The following SLC33A1 variants were observed in gnomAD, a reference collection of about 807,000 sequenced individuals.
SLC33A1 encodes acetyl-coenzyme A transporter 1.
Under a neutral mutation model 50.0 loss-of-function variants are expected in SLC33A1, and 20 were observed. The observed-to-expected ratio is 0.40, with a 90% confidence interval of 0.28 to 0.58. SLC33A1 has a LOEUF of 0.58. Ranked by LOEUF, SLC33A1 falls within the 20% of genes least tolerant of loss-of-function variation. The pLI, the probability that SLC33A1 is intolerant of heterozygous loss-of-function variation, is 0.44. For synonymous variants in SLC33A1, 265 were observed against 251.8 expected, an observed-to-expected ratio of 1.05 and a Z score of -0.50; for missense variants, 476 against 657.0, an observed-to-expected ratio of 0.72 and a Z score of 3.01.
chr3:155,845,847 T>C (rs1346469131), intron 1 of SLC33A1, among the ~76,000 whole-genome samples: 2 of 152,244 alleles, frequency 1.3e-5, no homozygotes, highest in Admixed American at 1.3e-4. Flanking sequence ...AATTTTGATT[T>C]ATGTATTTTA....
chr3:155,839,054 C>G (rs567414439), intron 2 of SLC33A1, among the ~76,000 whole-genome samples: 1 of 151,410 alleles, frequency 6.6e-6, no homozygotes, highest in Non-Finnish European at 1.5e-5. Flanking sequence ...TTTGGGAGGC[C>G]GAGACGGGCA....
At position 155,823,441 on chromosome 3, in the gene SLC33A1, G is replaced by C. The variant is rs911152631; in HGVS notation, c.*4769C>G. The C allele has an allele frequency of 2.0e-5, 3 of 152,078 alleles. No individual in the cohort carries two copies. The highest frequency in any genetic ancestry group is 4.4e-5 in the Non-Finnish European group (3 of 68,048). The allele number at this position is 152,078 out of a possible 1,614,324, so 9.4% of individuals were successfully genotyped here. On this transcript the variant is annotated 3_prime_UTR_variant, in exon 6 of 6. Coordinates refer to ENST00000643144, the MANE Select transcript of SLC33A1 (RefSeq NM_004733.4). The stretch of plus-strand genomic sequence containing the variant: ...TCCCAGCACTTTAGGAGGCCAAGGC[G>C]GGAAGATCACCTAAGGTCAGGAGTT...
intron 2 of SLC33A1, 136 bp downstream of exon 2, chr3:155,842,296 A>C (rs1208392077): frequency 1.6e-6 from 1 of 611,330 alleles, no homozygotes; most frequent in African/African-American, 1.9e-5. Context: ...ACATTTAATA[A>C]ACAGAAAATA....
intron 4 of SLC33A1, among the ~76,000 whole-genome samples, chr3:155,830,578 C>T (rs1752387921): frequency 6.6e-6 from 1 of 151,846 alleles, no homozygotes; most frequent in Non-Finnish European, 1.5e-5. Context: ...ATTAATTCTA[C>T]CACAAGTAGT....
chr3:155,853,322 A>G lies in SLC33A1; in HGVS notation c.676T>C (p.Phe226Leu). The change falls in exon 1 of 6, where the codon TTT (phenylalanine) becomes CTT (leucine). Residue 226 changes from phenylalanine (F) to leucine (L), a missense_variant. Phe to Leu is a conservative substitution (Grantham distance 22). Transcript: ENST00000643144. ...CNSVGQTAGY[F>L]LGNVLFLALE... The stretch of plus-strand genomic sequence containing the variant: ...GCCAAAAACAAAACATTGCCCAAAA[A>G]GTAACCCGCTGTTTGGCCCACCGAA... 3 of 1,614,104 alleles carry G rather than the reference A, an allele frequency of 1.9e-6. No individual in the cohort carries two copies. The highest frequency in any genetic ancestry group is 2.5e-6 in the Non-Finnish European group (3 of 1,180,052).
chr3:155,838,918 G>A (rs1348217578), intron 2 of SLC33A1, among the ~76,000 whole-genome samples: 1 of 151,624 alleles, frequency 6.6e-6, no homozygotes, highest in Non-Finnish European at 1.5e-5. Context: ...GGAGGCTGAG[G>A]TGAACAGATC....
intron 2 of SLC33A1, among the ~76,000 whole-genome samples, chr3:155,839,300 CAAAA>C (rs550171374): frequency 8.9e-4 from 23 of 25,732 alleles, no homozygotes; most frequent in East Asian, 1.4e-3. Context: ...AACTCCGCCT[CAAAA>C]AAAAAAAAAA....
chr3:155,851,053 C>A lies in SLC33A1; in HGVS notation c.775+2170G>T, dbSNP rs375771989. Reference sequence around the variant, plus strand: ...GATCAGGAGATCGAGACCATCCTGGCCAACACAGTGAAACCTTGTCTGTAC... The same window carrying A: ...GATCAGGAGATCGAGACCATCCTGGACAACACAGTGAAACCTTGTCTGTAC... On this transcript the variant is annotated intron_variant, in intron 1 of 5. Transcript: ENST00000643144. Among the ~76,000 whole-genome samples the A allele has an allele frequency of 5.3e-4, 80 of 151,940 alleles. 4 individuals are homozygous for A. The South Asian group carries it at 0.017, about 32-fold the overall frequency.
Position 155,854,074 on chromosome 3 carries a change from G to T in SLC33A1, c.-77C>A, listed in dbSNP as rs538492162. ...GGATCCGTCCAGTCCCAGGTCCAAGGCTGTCGCGCTGGACCAGGGTTTCGG... is the reference window on the plus strand; with the variant it reads ...GGATCCGTCCAGTCCCAGGTCCAAGTCTGTCGCGCTGGACCAGGGTTTCGG... On this transcript the variant is annotated 5_prime_UTR_variant, in exon 1 of 6. Transcript: ENST00000643144. The T allele has an allele frequency of 2.6e-5, 32 of 1,239,254 alleles. No individual in the cohort carries two copies. In the South Asian group the frequency reaches 4.8e-4, roughly 19 times the overall value. 76.8% of individuals were successfully genotyped at this position (1,239,254 alleles called of 1,614,324 possible).
intron 2 of SLC33A1, among the ~76,000 whole-genome samples, chr3:155,835,254 C>T (rs372687262): frequency 5.3e-5 from 8 of 151,962 alleles, no homozygotes; most frequent in South Asian, 2.1e-4. Flanking sequence ...TGTAGCTAAA[C>T]GTTAATAATT....
Position 155,825,420 on chromosome 3 carries a change from T to G in SLC33A1, c.*2790A>C, listed in dbSNP as rs1752177520. On this transcript the variant is annotated 3_prime_UTR_variant, in exon 6 of 6. Transcript: ENST00000643144. ...ATCCTCCTGCCTTGGCCTCCTAAAG[T>G]GTTGTGATTACAGGTGTGAGCCACA... The G allele has an allele frequency of 6.6e-6, 1 of 152,112 alleles. No individual in the cohort carries two copies. The highest frequency in any genetic ancestry group is 2.4e-5 in the African/African-American group (1 of 41,382). The allele number at this position is 152,112 out of a possible 1,614,324, so 9.4% of individuals were successfully genotyped here.
In SLC33A1 at chr3:155,829,687, C is replaced by A. The variant is rs778818014; in HGVS notation, c.1482+1G>T. On this transcript the variant is annotated splice_donor_variant, in intron 5 of 5. Coordinates refer to ENST00000643144, the MANE Select transcript of SLC33A1 (RefSeq NM_004733.4). LOFTEE classifies it high-confidence loss of function. ...GTTATCTAAAATTAAAACATACTTA[C>A]CTCAACAGCATCAGGTGTTCGACAA... 22 of 1,602,628 alleles carry A rather than the reference C, an allele frequency of 1.4e-5. No homozygotes were observed. Among genetic ancestry groups the A allele is most frequent in the Non-Finnish European group, 1.9e-5 (22 of 1,169,710 alleles).
chr3:155,834,836 C>A (rs1752586406), intron 2 of SLC33A1, among the ~76,000 whole-genome samples: 2 of 143,858 alleles, frequency 1.4e-5, no homozygotes, highest in South Asian at 5.1e-4. Flanking sequence ...AACCTCAACC[C>A]AAACAAGAAG....
chr3:155,849,158 G>A (rs1266680026), intron 1 of SLC33A1, among the ~76,000 whole-genome samples: 1 of 151,958 alleles, frequency 6.6e-6, no homozygotes, highest in Non-Finnish European at 1.5e-5. Context: ...CAAGCAATCT[G>A]CCCACCTCAG....
At chr3:155,841,349 G>C (rs1042475253) in intron 2 of SLC33A1, among the ~76,000 whole-genome samples, 9 of 152,084 alleles carry the variant, frequency 5.9e-5, no homozygotes, top group African/African-American at 2.2e-4. Context: ...AGCACATCTG[G>C]CCTTCTTTCT....
intron 1 of SLC33A1, among the ~76,000 whole-genome samples, chr3:155,851,867 G>A (rs561921770): frequency 1.4e-4 from 22 of 152,298 alleles, no homozygotes; most frequent in Non-Finnish European, 2.8e-4. Flanking sequence ...CTCATTAGCA[G>A]TTTGAGGAGG....
rs1243449849 is a variant in SLC33A1, at chr3:155,828,197, A to G, written c.*13T>C. The stretch of plus-strand genomic sequence containing the variant: ...CTACAATTACCTTGCTAGAATGTCC[A>G]GTAGCATATATATTAATTGTTCCTT... On this transcript the variant is annotated 3_prime_UTR_variant, in exon 6 of 6. Coordinates refer to ENST00000643144, the MANE Select transcript of SLC33A1 (RefSeq NM_004733.4). 3.8e-6 allele frequency: 6 copies of G among 1,585,500 alleles called. No individual in the cohort carries two copies. Among genetic ancestry groups the G allele is most frequent in the African/African-American group, 1.3e-5 (1 of 74,512 alleles).
At chr3:155,835,974 C>A (rs9869777) in intron 2 of SLC33A1, among the ~76,000 whole-genome samples, 12,989 of 151,762 alleles carry the variant, frequency 0.086, 1,839 homozygotes, top group African/African-American at 0.3. Context: ...CAATATCACA[C>A]AATTTTTTTT....
At chr3:155,852,198 T>C (rs1176848681) in intron 1 of SLC33A1, among the ~76,000 whole-genome samples, 3 of 152,120 alleles carry the variant, frequency 2.0e-5, no homozygotes, top group Non-Finnish European at 2.9e-5. Context: ...TTCACACTTA[T>C]AATTCCCAGT....
Sources: allele counts gnomAD v4.1 joint callset (sites outside exome capture counted in the v4.1 genomes callset), GRCh38; gene constraint gnomAD v4.1.1; transcripts MANE v1.5; gene names NCBI Gene and HGNC (gene_info 2026-07-23, HGNC 2026-07-21).